Variants in TRRAP observed in about 807,000 individuals in gnomAD.
TRRAP encodes transformation/transcription domain-associated protein.
Under a neutral mutation model 438.8 loss-of-function variants are expected in TRRAP, and 41 were observed. The ratio of observed to expected loss-of-function variants is 0.09; its 90% CI spans 0.07 to 0.12. TRRAP has a LOEUF of 0.12. TRRAP is among the 10% of genes least tolerant of loss of function. TRRAP has a pLI of 1.00. For synonymous variants in TRRAP, 1,994 were observed against 1,962.9 expected (o/e 1.02, Z -0.42); for missense variants, 3,122 against 5,055.1 (o/e 0.62, Z 11.60).
chr7:98,911,371 C>T, intron 17 of TRRAP, 100 bp downstream of exon 17: 2 of 1,204,026 alleles, frequency 1.7e-6, no homozygotes, highest in Non-Finnish European at 2.3e-6. Flanking sequence ...AATAATGTAG[C>T]CAAGGATGTG....
At chr7:98,895,673 C>T (rs371847702) in intron 6 of TRRAP, 91 bp from the exon 7 acceptor site, 8 of 1,111,754 alleles carry the variant, frequency 7.2e-6, no homozygotes, top group South Asian at 1.7e-5. Context: ...TGAGTTCTTA[C>T]GTAGTAAGAC....
intron 19 of TRRAP, among the ~76,000 whole-genome samples, chr7:98,916,898 G>T (rs376245498): frequency 6.6e-6 from 1 of 151,946 alleles, no homozygotes; most frequent in Non-Finnish European, 1.5e-5. Context: ...TTCCTGTGCC[G>T]TGCAGGACGT....
At chr7:98,900,536 T>G in intron 10 of TRRAP, 88 bp from the exon 11 acceptor site, 1 of 1,115,734 alleles carries the variant, frequency 9.0e-7, no homozygotes, top group Non-Finnish European at 1.3e-6. Context: ...AAATCAATCT[T>G]TTGGGTTTAG....
At chr7:98,942,194 G>C (rs1562952161) in intron 30 of TRRAP, among the ~76,000 whole-genome samples, 1 of 152,198 alleles carries the variant, frequency 6.6e-6, no homozygotes, top group Admixed American at 6.5e-5. Context: ...TAAATGCAGA[G>C]TCTCTTGCTG....
At chr7:99,010,667 A>T (rs1794388562) in intron 70 of TRRAP, among the ~76,000 whole-genome samples, 1 of 152,202 alleles carries the variant, frequency 6.6e-6, no homozygotes, top group Non-Finnish European at 1.5e-5. Context: ...TCATTAGTAT[A>T]AAGTCTTGGT....
rs112328258 is a variant in TRRAP at position 98,899,996 on chromosome 7, A to G, written c.800+229A>G. On this transcript the variant is annotated intron_variant, in intron 10 of 72. Coordinates refer to ENST00000456197, the MANE Select transcript of TRRAP (RefSeq NM_001375524.1). ...GTATTCTGGTGCGTTGTAAATTAAAAATGTCGTCAGGCATTACCGTGCTCA... is the reference window on the plus strand; with the variant it reads ...GTATTCTGGTGCGTTGTAAATTAAAGATGTCGTCAGGCATTACCGTGCTCA... 1.7e-3 allele frequency among the ~76,000 whole-genome samples: 263 copies of G among 152,342 alleles called. 2 individuals carry two copies. Among genetic ancestry groups the G allele is most frequent in the African/African-American group, 6.1e-3 (253 of 41,574 alleles).
intron 56 of TRRAP, among the ~76,000 whole-genome samples, 169 bp downstream of exon 56, chr7:98,977,245 T>C (rs909572086): frequency 6.6e-6 from 1 of 152,178 alleles, no homozygotes; most frequent in Non-Finnish European, 1.5e-5. Context: ...CACTGCAACC[T>C]CCACCTCCCA....
At chr7:98,947,436 T>C (rs375511383) in intron 33 of TRRAP, among the ~76,000 whole-genome samples, 3 of 152,046 alleles carry the variant, frequency 2.0e-5, no homozygotes, top group South Asian at 2.1e-4. Context: ...TAGGGTTTTT[T>C]TTGTTTGTGT....
intron 12 of TRRAP, 120 bp from the exon 13 acceptor site, chr7:98,906,056 CT>C: frequency 2.7e-6 from 2 of 745,088 alleles, no homozygotes; most frequent in Non-Finnish European, 4.4e-6. Flanking sequence ...CTCTCTGTCC[CT>C]TTTCAGGTCT....
intron 19 of TRRAP, 142 bp downstream of exon 19, chr7:98,916,030 C>T (rs1270938329): frequency 8.9e-7 from 1 of 1,128,198 alleles, no homozygotes; most frequent in Non-Finnish European, 1.2e-6. Context: ...CCGCCGCCCC[C>T]CTGCCCCCCT....
intron 51 of TRRAP, among the ~76,000 whole-genome samples, chr7:98,968,271 G>A (rs1223046214): frequency 1.3e-5 from 2 of 152,024 alleles, no homozygotes; most frequent in African/African-American, 2.4e-5. Flanking sequence ...TGACTTCCTC[G>A]GCCTCCCAAA....
chr7:98,959,519 C>A (rs375768204), intron 45 of TRRAP, 29 bp downstream of exon 45: 1 of 1,604,010 alleles, frequency 6.2e-7, no homozygotes, highest in South Asian at 1.1e-5. Context: ...AGGGCCAGGG[C>A]AGCGCCACCG....
At chr7:98,928,568 C>G (rs548885159) in intron 23 of TRRAP, among the ~76,000 whole-genome samples, 17 of 152,316 alleles carry the variant, frequency 1.1e-4, no homozygotes, top group African/African-American at 4.1e-4. Flanking sequence ...CACCTTGGAC[C>G]TGGGTACCTC....
chr7:98,960,597 T>C (rs778292408), intron 45 of TRRAP, among the ~76,000 whole-genome samples: 5 of 152,216 alleles, frequency 3.3e-5, no homozygotes, highest in Non-Finnish European at 7.3e-5. Context: ...TTTTTTGTTT[T>C]TGTTTCGTTT....
chr7:98,928,222 G>A (rs1296933347), intron 23 of TRRAP, among the ~76,000 whole-genome samples: 2 of 151,954 alleles, frequency 1.3e-5, no homozygotes, highest in African/African-American at 4.8e-5. Context: ...GGCAACAAGA[G>A]CGAAACTCCG....
chr7:98,959,944 AAAAAAAAAAAG>A (rs1272814113), intron 45 of TRRAP, among the ~76,000 whole-genome samples: 4 of 149,536 alleles, frequency 2.7e-5, no homozygotes, highest in East Asian at 2.0e-4. Context: ...CTTAAAAAAA[AAAAAAAAAAAG>A]AAAAAGAAAA....
intron 31 of TRRAP, among the ~76,000 whole-genome samples, chr7:98,943,467 T>G (rs1270445064): frequency 1.3e-5 from 2 of 152,220 alleles, no homozygotes; most frequent in African/African-American, 4.8e-5. Flanking sequence ...TTTTTGGGAC[T>G]GAAAGCTTTG....
chr7:98,900,566 A>G, intron 10 of TRRAP, 58 bp from the exon 11 acceptor site: 1 of 1,442,266 alleles, frequency 6.9e-7, no homozygotes, highest in Non-Finnish European at 9.5e-7. Flanking sequence ...CAGGCTTTTA[A>G]TTAATACTAA....
chr7:98,947,986 C>T (rs1157974960), intron 33 of TRRAP, among the ~76,000 whole-genome samples: 2 of 152,174 alleles, frequency 1.3e-5, no homozygotes, highest in Non-Finnish European at 2.9e-5. Flanking sequence ...ACCGTCGGCC[C>T]CTCCACACCC....
Sources: allele counts gnomAD v4.1 joint callset (sites outside exome capture counted in the v4.1 genomes callset), GRCh38; gene constraint gnomAD v4.1.1; transcripts MANE v1.5; gene names NCBI Gene and HGNC (gene_info 2026-07-23, HGNC 2026-07-21).